The following PLEKHD1 variants were observed in gnomAD, a reference collection of about 807,000 sequenced individuals.
PLEKHD1 encodes pleckstrin homology and coiled-coil domain containing D1.
A neutral mutation model predicts 69.2 loss-of-function variants in PLEKHD1; 51 were observed. That is an observed-to-expected ratio of 0.74 (90% CI 0.59 to 0.93). The LOEUF is 0.93. PLEKHD1 is among the 40% of genes least tolerant of loss of function. The pLI is 0.00. For synonymous variants in PLEKHD1, 236 were observed against 244.7 expected (o/e 0.96, Z 0.33); for missense variants, 584 against 641.0 (o/e 0.91, Z 0.96).
At chr14:69,482,654 C>T (rs1882562899), upstream of PLEKHD1, among the ~76,000 whole-genome samples, 1 of 152,166 alleles carries the variant, frequency 6.6e-6, no homozygotes, top group Admixed American at 6.5e-5. Context: ...CACCATGTTC[C>T]CTTGAAAAGT....
intron 6 of PLEKHD1, among the ~76,000 whole-genome samples, chr14:69,515,526 A>G (rs1275736): frequency 0.34 from 51,204 of 152,058 alleles, 10,345 homozygotes; most frequent in African/African-American, 0.57. Flanking sequence ...ACCTGAGACT[A>G]AGTAATTTAT....
chr14:69,522,415 T>C (rs1883538482), intron 7 of PLEKHD1, 38 bp downstream of exon 7: 1 of 1,546,852 alleles, frequency 6.5e-7, no homozygotes, highest in Non-Finnish European at 8.7e-7. Flanking sequence ...TGCCACTAAG[T>C]TAGGGCATGC....
chr14:69,473,169 T>G, the PLEKHD1 span, among the ~76,000 whole-genome samples: 3 of 152,184 alleles, frequency 2.0e-5, no homozygotes, highest in Admixed American at 2.0e-4. Flanking sequence ...TGTATTGCAC[T>G]TAAATCATCC....
In PLEKHD1 at chr14:69,492,376, GGTCTTCACTC is replaced by G. The variant is rs145672278; in HGVS notation, c.149+7263_149+7272del. On this transcript the variant is annotated intron_variant, in intron 1 of 12. Transcript: ENST00000322564. ...GACCCCTAAACCATTGATTCCTCCC[GGTCTTCACTC>G]TTCCTATACCTAATATAAACTTACA... Among the ~76,000 whole-genome samples the G allele has an allele frequency of 8.5e-5, 13 of 152,162 alleles. No individual in the cohort carries two copies. The East Asian group carries it at 2.5e-3, about 29-fold the overall frequency.
At chr14:69,474,859 C>CT in the PLEKHD1 span, among the ~76,000 whole-genome samples, 3 of 152,168 alleles carry the variant, frequency 2.0e-5, no homozygotes, top group Non-Finnish European at 4.4e-5. Flanking sequence ...TCACCCCCTT[C>CT]TTTTTTTAAA....
In PLEKHD1 at chr14:69,530,181, C is replaced by T. The variant is rs1033556692; in HGVS notation, c.*1762C>T. 2.6e-5 allele frequency: 4 copies of T among 152,246 alleles called. No homozygotes were observed. The highest frequency in any genetic ancestry group is 9.7e-5 in the African/African-American group (4 of 41,450). The allele number at this position is 152,246 out of a possible 1,614,324, so 9.4% of individuals were successfully genotyped here. ...ATTGTTGCCTCTAAGAACACATGCA[C>T]ATCTGCTGCTAGGCTGGCCGAGCCC... On this transcript the variant is annotated 3_prime_UTR_variant, in exon 13 of 13. Coordinates refer to ENST00000322564, the MANE Select transcript of PLEKHD1 (RefSeq NM_001161498.2).
At position 69,527,936 on chromosome 14, in the gene PLEKHD1, A is replaced by G. The variant is rs113407126; in HGVS notation, c.1351+4A>G. On this transcript the variant is annotated splice_donor_region_variant and intron_variant, in intron 12 of 12. Coordinates refer to ENST00000322564, the MANE Select transcript of PLEKHD1 (RefSeq NM_001161498.2). ...TCCAGCACCTCCTGGAATGACAGTG[A>G]GTGTGGCTGTCTGCGTGCCCTGGTG... is the stretch of plus-strand genomic sequence containing the variant. 1.1e-3 allele frequency: 1,677 copies of G among 1,551,360 alleles called. 16 individuals are homozygous for G. The African/African-American group carries it at 0.02, about 19-fold the overall frequency.
At chr14:69,471,253 A>G in the PLEKHD1 span, among the ~76,000 whole-genome samples, 1 of 151,326 alleles carries the variant, frequency 6.6e-6, no homozygotes, top group African/African-American at 2.4e-5. Flanking sequence ...CCACAGGCAC[A>G]CACCACCACT....
At chr14:69,496,850 A>T (rs931086928) in intron 1 of PLEKHD1, among the ~76,000 whole-genome samples, 1 of 151,956 alleles carries the variant, frequency 6.6e-6, no homozygotes, top group South Asian at 2.1e-4. Flanking sequence ...CCCAGCCAGG[A>T]AAGAGAGCTC....
intron 6 of PLEKHD1, among the ~76,000 whole-genome samples, chr14:69,515,506 A>C (rs1451401911): frequency 6.6e-6 from 1 of 152,230 alleles, no homozygotes; most frequent in African/African-American, 2.4e-5. Context: ...TTGCATTGCT[A>C]TAAAGAAATA....
chr14:69,496,762 G>A (rs1219887626), intron 1 of PLEKHD1, among the ~76,000 whole-genome samples: 2 of 144,284 alleles, frequency 1.4e-5, no homozygotes, highest in Non-Finnish European at 3.0e-5. Flanking sequence ...GCCCAGGCTG[G>A]TCTTGAACTC....
At chr14:69,504,933 G>A (rs891267255) in intron 6 of PLEKHD1, among the ~76,000 whole-genome samples, 1 of 152,226 alleles carries the variant, frequency 6.6e-6, no homozygotes, top group South Asian at 2.1e-4. Flanking sequence ...GCCCAGGGAT[G>A]GGATGGAGTG....
At chr14:69,494,633 G>A (rs1200058394) in intron 1 of PLEKHD1, among the ~76,000 whole-genome samples, 2 of 152,238 alleles carry the variant, frequency 1.3e-5, no homozygotes, top group African/African-American at 4.8e-5. Context: ...CTGCAGAAAG[G>A]GCAGCCATCT....
chr14:69,493,870 G>C (rs1421742214), intron 1 of PLEKHD1, among the ~76,000 whole-genome samples: 1 of 152,264 alleles, frequency 6.6e-6, no homozygotes, highest in East Asian at 1.9e-4. Flanking sequence ...AAAAGGGCCA[G>C]AGCTGATGGG....
At chr14:69,524,406 C>A in intron 8 of PLEKHD1, 84 bp downstream of exon 8, 1 of 1,161,306 alleles carries the variant, frequency 8.6e-7, no homozygotes, top group East Asian at 2.6e-5. Flanking sequence ...AGCAGTGTTT[C>A]CCCAGGGGGT....
At position 69,528,344 on chromosome 14, in the gene PLEKHD1, C is replaced by A; in HGVS notation, c.1446C>A (p.Arg482=). The A allele has an allele frequency of 6.4e-7, 1 of 1,551,740 alleles. No homozygotes were observed. The highest frequency in any genetic ancestry group is 2.0e-5 in the Admixed American group (1 of 51,014). The part of the protein sequence containing the change: ...EVAKRLSRDQ[R]FRESIYHIMA... Reference sequence around the variant, plus strand: ...CCAAGCGGCTCAGCAGGGACCAGCGCTTCCGGGAATCCATCTACCACATCA... The same window carrying A: ...CCAAGCGGCTCAGCAGGGACCAGCGATTCCGGGAATCCATCTACCACATCA... The change falls in exon 13 of 13, where the codon CGC becomes CGA. Residue 482 remains arginine, a synonymous_variant. Coordinates refer to ENST00000322564, the MANE Select transcript of PLEKHD1 (RefSeq NM_001161498.2).
At chr14:69,511,853 T>C (rs1450292612) in intron 6 of PLEKHD1, among the ~76,000 whole-genome samples, 1 of 152,160 alleles carries the variant, frequency 6.6e-6, no homozygotes, top group East Asian at 1.9e-4. Context: ...GACTGGCCAG[T>C]CTGTAGTTTT....
At chr14:69,498,651 C>T (rs1318151238) in intron 1 of PLEKHD1, among the ~76,000 whole-genome samples, 1 of 140,222 alleles carries the variant, frequency 7.1e-6, no homozygotes, top group Non-Finnish European at 1.6e-5. Flanking sequence ...CTCTTCTCTT[C>T]TCTTCTCTTC....
chr14:69,498,939 A>C (rs1042404928), intron 1 of PLEKHD1, among the ~76,000 whole-genome samples: 3 of 152,122 alleles, frequency 2.0e-5, no homozygotes, highest in Non-Finnish European at 4.4e-5. Context: ...GGTGTGAGCC[A>C]CAGAACCCAG....
Sources: allele counts gnomAD v4.1 joint callset (sites outside exome capture counted in the v4.1 genomes callset), GRCh38; gene constraint gnomAD v4.1.1; transcripts MANE v1.5; gene names NCBI Gene and HGNC (gene_info 2026-07-23, HGNC 2026-07-21).